R3HDM2: variants seen among roughly 807,000 people sequenced by gnomAD.
R3HDM2 encodes R3H domain-containing protein 2.
R3HDM2 carries 38 observed loss-of-function variants against 124.5 expected under a neutral mutation model. That is an observed-to-expected ratio of 0.31 (90% CI 0.24 to 0.40). The LOEUF (loss-of-function observed/expected upper bound fraction) is 0.40. R3HDM2 is among the 10% of genes least tolerant of loss of function. The pLI is 1.00. For missense variants in R3HDM2, 869 were observed against 1,236.9 expected (o/e 0.70, Z 4.46); for synonymous variants, 391 against 448.0 (o/e 0.87, Z 1.61).
At chr12:57,382,541 C>CA (rs1222419669) in intron 2 of R3HDM2, among the ~76,000 whole-genome samples, 6,776 of 39,990 alleles carry the variant, frequency 0.17, 234 homozygotes, top group Non-Finnish European at 0.19. Context: ...GCCCAGCCTA[C>CA]AAAAAAAAAA....
intron 2 of R3HDM2, among the ~76,000 whole-genome samples, chr12:57,376,040 C>A (rs1349758557): frequency 6.6e-6 from 1 of 152,174 alleles, no homozygotes; most frequent in Non-Finnish European, 1.5e-5. Flanking sequence ...TAAACCCAGG[C>A]TTTCTTACTA....
intron 2 of R3HDM2, among the ~76,000 whole-genome samples, chr12:57,346,732 T>C (rs1027300390): frequency 2.0e-5 from 3 of 152,172 alleles, no homozygotes. Context: ...AAAACATAAA[T>C]GGTAAATATT....
intron 1 of R3HDM2, among the ~76,000 whole-genome samples, chr12:57,398,649 C>T (rs140508228): frequency 8.3e-4 from 126 of 152,188 alleles, no homozygotes; most frequent in African/African-American, 2.7e-3. Context: ...CCACCATGCC[C>T]GGCTAATTTT....
At chr12:57,422,194 C>G (rs911280200) in intron 1 of R3HDM2, among the ~76,000 whole-genome samples, 2 of 152,028 alleles carry the variant, frequency 1.3e-5, no homozygotes, top group African/African-American at 4.8e-5. Flanking sequence ...TTGTGATCCT[C>G]CCTAAACTGG....
intron 13 of R3HDM2, among the ~76,000 whole-genome samples, chr12:57,282,295 A>G: frequency 7.8e-6 from 1 of 127,770 alleles, no homozygotes; most frequent in African/African-American, 2.7e-5. Context: ...GCAAGACTCC[A>G]TCTCAAAAAA....
intron 2 of R3HDM2, among the ~76,000 whole-genome samples, chr12:57,338,140 C>T (rs2136872229): frequency 6.6e-6 from 1 of 152,206 alleles, no homozygotes; most frequent in East Asian, 1.9e-4. Context: ...CCTGTCTCTA[C>T]TAAAAATACA....
chr12:57,387,202 C>T (rs986101597), intron 2 of R3HDM2, among the ~76,000 whole-genome samples: 5 of 152,128 alleles, frequency 3.3e-5, no homozygotes, highest in African/African-American at 1.2e-4. Context: ...TCCCCTTCCA[C>T]ACTGTGGAAG....
At chr12:57,346,448 A>C (rs970015616) in intron 2 of R3HDM2, among the ~76,000 whole-genome samples, 8 of 152,162 alleles carry the variant, frequency 5.3e-5, no homozygotes, top group Admixed American at 1.3e-4. Context: ...ACAAGAGTGA[A>C]ACTCCATCTC....
intron 1 of R3HDM2, among the ~76,000 whole-genome samples, chr12:57,425,248 G>C (rs997215759): frequency 8.6e-5 from 13 of 151,434 alleles, no homozygotes; most frequent in Non-Finnish European, 1.8e-4. Context: ...CTCCAACCTG[G>C]GCAACAAGAG....
chr12:57,395,331 G>A (rs564042958), intron 2 of R3HDM2, among the ~76,000 whole-genome samples: 5 of 151,328 alleles, frequency 3.3e-5, no homozygotes, highest in South Asian at 2.1e-4. Context: ...ACGGAGAAAC[G>A]CTGCCTCTAT....
At chr12:57,351,731 C>A (rs560161243) in intron 2 of R3HDM2, among the ~76,000 whole-genome samples, 4 of 152,142 alleles carry the variant, frequency 2.6e-5, no homozygotes, top group African/African-American at 9.6e-5. Flanking sequence ...AAATTAGAAA[C>A]AAATCACTAA....
rs531353676 is a variant in R3HDM2, at chr12:57,374,428, G to T, written c.-36+21321C>A. Among the ~76,000 whole-genome samples, 91 of 151,790 alleles carry T rather than the reference G, an allele frequency of 6.0e-4. 1 individual carries two copies. The highest frequency in any genetic ancestry group is 2.1e-3 in the African/African-American group (85 of 41,412). On this transcript the variant is annotated intron_variant, in intron 2 of 23. Coordinates refer to ENST00000402412, the MANE Select transcript of R3HDM2 (RefSeq NM_001394031.1). ...GACCAGGCCGGGCGTGGTGGCTCAC[G>T]TCTGTAATCCCAGCACTTTGGGAGG... is the stretch of plus-strand genomic sequence containing the variant.
chr12:57,276,846 C>T (rs2044882418), intron 14 of R3HDM2, among the ~76,000 whole-genome samples: 1 of 151,626 alleles, frequency 6.6e-6, no homozygotes. Context: ...GAGAGTGCAT[C>T]ACTGCACTCC....
intron 2 of R3HDM2, among the ~76,000 whole-genome samples, chr12:57,393,171 TTGGCTCAC>T (rs1195024581): frequency 1.3e-5 from 2 of 151,856 alleles, no homozygotes; most frequent in African/African-American, 4.8e-5. Flanking sequence ...TGGTGCGATC[TTGGCTCAC>T]TGCAACCTCC....
rs914712208 is a variant in R3HDM2 at position 57,258,769 on chromosome 12, C to G, written c.2301+121G>C. On this transcript the variant is annotated intron_variant, in intron 20 of 23. Transcript: ENST00000402412. ...AGGATGCTGTCTACTTCCTGTGTTTCTCCCCAGAAAGTACCCAGGAAAAGA... is the reference window on the plus strand; with the variant it reads ...AGGATGCTGTCTACTTCCTGTGTTTGTCCCCAGAAAGTACCCAGGAAAAGA... 6.3e-6 allele frequency: 6 copies of G among 954,218 alleles called. No homozygotes were observed. The African/African-American group carries it at 1.0e-4, about 16-fold the overall frequency. The allele number at this position is 954,218 out of a possible 1,614,324, so 59.1% of individuals were successfully genotyped here.
chr12:57,339,146 A>T (rs1364708886), intron 2 of R3HDM2, among the ~76,000 whole-genome samples: 1 of 151,876 alleles, frequency 6.6e-6, no homozygotes, highest in African/African-American at 2.4e-5. Flanking sequence ...GGTGTTCGCC[A>T]CCATACCCGG....
intron 17 of R3HDM2, 137 bp downstream of exon 17, chr12:57,268,785 G>C (rs917526099): frequency 1.7e-6 from 2 of 1,183,446 alleles, no homozygotes; most frequent in Non-Finnish European, 2.3e-6. Flanking sequence ...TCCGTTATAG[G>C]AAAAAAACCT....
intron 22 of R3HDM2, 44 bp from the exon 23 acceptor site, chr12:57,256,118 T>C: frequency 2.6e-6 from 4 of 1,553,432 alleles, no homozygotes; most frequent in Non-Finnish European, 3.6e-6. Context: ...TAAACAACAT[T>C]GACTGCCTTG....
intron 19 of R3HDM2, among the ~76,000 whole-genome samples, chr12:57,262,248 C>T (rs567543740): frequency 6.6e-6 from 1 of 152,264 alleles, no homozygotes; most frequent in Non-Finnish European, 1.5e-5. Context: ...GCAGTCTCAG[C>T]TTTGGAAACC....
Sources: allele counts gnomAD v4.1 joint callset (sites outside exome capture counted in the v4.1 genomes callset), GRCh38; gene constraint gnomAD v4.1.1; transcripts MANE v1.5; gene names NCBI Gene and HGNC (gene_info 2026-07-23, HGNC 2026-07-21).